The following SLC38A6 variants were observed in gnomAD, a reference collection of about 807,000 sequenced individuals.
The protein encoded by SLC38A6 is solute carrier family 38 member 6.
In SLC38A6, 73 loss-of-function variants were observed where a neutral mutation model predicts 65.0. That is an observed-to-expected ratio of 1.12 (90% CI 0.93 to 1.37). SLC38A6 has a LOEUF of 1.37. Ranked by LOEUF, SLC38A6 falls within the 40% of genes most tolerant of loss-of-function variation. SLC38A6 has a pLI of 0.00. For missense variants in SLC38A6, 561 were observed against 531.1 expected (o/e 1.06, Z -0.55); for synonymous variants, 183 against 178.8 (o/e 1.02, Z -0.19).
At position 61,019,529 on chromosome 14, in the gene SLC38A6, G is replaced by A. The variant is rs185943850; in HGVS notation, c.364-12G>A. On this transcript the variant is annotated splice_polypyrimidine_tract_variant and intron_variant, in intron 4 of 15. Coordinates refer to ENST00000267488, the MANE Select transcript of SLC38A6 (RefSeq NM_153811.3). Reference sequence around the variant, plus strand: ...CCCCTTCTATCTTCTGAATATTTCTGTTCTTTTACAGTTGGTGGTGGCAGG... The same window carrying A: ...CCCCTTCTATCTTCTGAATATTTCTATTCTTTTACAGTTGGTGGTGGCAGG... The A allele has an allele frequency of 1.6e-5, 25 of 1,612,522 alleles. No homozygotes were observed. The African/African-American group carries it at 2.8e-4, about 18-fold the overall frequency.
At chr14:61,029,266 C>G (rs2040799041) in intron 5 of SLC38A6, among the ~76,000 whole-genome samples, 1 of 151,852 alleles carries the variant, frequency 6.6e-6, no homozygotes, top group East Asian at 1.9e-4. Context: ...AGCGATTCTC[C>G]TGCCTCAGCC....
At position 61,050,592 on chromosome 14, in the gene SLC38A6, A is replaced by T; in HGVS notation, c.1006A>T (p.Ile336Leu). The change falls in exon 13 of 16, where the codon ATA becomes TTA. Residue 336 changes from isoleucine (I) to leucine (L), a missense_variant. Physicochemically the swap from Ile to Leu is conservative, Grantham distance 5. Coordinates refer to ENST00000267488, the MANE Select transcript of SLC38A6 (RefSeq NM_153811.3). The stretch of plus-strand genomic sequence containing the variant: ...TGTTGTCATGACTGTGAAGTTATGC[A>T]TACTATTTGCTGTGCTTTTGACAGT... ...DVVVMTVKLCILFAVLLTVPL... is the reference protein window; with the variant it reads ...DVVVMTVKLCLLFAVLLTVPL... The T allele has an allele frequency of 6.3e-7, 1 of 1,599,426 alleles. No homozygotes were observed. The highest frequency in any genetic ancestry group is 8.5e-7 in the Non-Finnish European group (1 of 1,170,232).
intron 15 of SLC38A6, among the ~76,000 whole-genome samples, chr14:61,065,998 T>C (rs1199555431): frequency 6.6e-6 from 1 of 152,188 alleles, no homozygotes; most frequent in Non-Finnish European, 1.5e-5. Flanking sequence ...GTTTTTCTTT[T>C]TGGCATGTTA....
intron 5 of SLC38A6, among the ~76,000 whole-genome samples, chr14:61,028,406 A>C (rs898607214): frequency 6.6e-6 from 1 of 152,100 alleles, no homozygotes; most frequent in Non-Finnish European, 1.5e-5. Flanking sequence ...AAGTAAGTCT[A>C]GGCCGGTTTC....
chr14:61,053,653 C>T (rs80296646), downstream of SLC38A6, among the ~76,000 whole-genome samples: 1,291 of 152,188 alleles, frequency 8.5e-3, 23 homozygotes, highest in African/African-American at 0.029. Context: ...ACTGAGCTTT[C>T]TTATGTGCTT....
Position 61,063,317 on chromosome 14 carries a change from G to C in SLC38A6, c.1290+11182G>C, listed in dbSNP as rs1468496211. Among the ~76,000 whole-genome samples the C allele has an allele frequency of 2.0e-5, 3 of 152,256 alleles. No individual in the cohort carries two copies. In the East Asian group the frequency reaches 5.8e-4, roughly 29 times the overall value. On this transcript the variant is annotated intron_variant, in intron 15 of 16. Coordinates refer to the SLC38A6 transcript ENST00000354886. ...CTTCTGTTCATTATGAGATAGACCT[G>C]TGATGACTGCCTGTGTACTTCAAAG... is the stretch of plus-strand genomic sequence containing the variant.
chr14:61,010,426 T>C (rs2039470717), intron 3 of SLC38A6, among the ~76,000 whole-genome samples: 1 of 152,264 alleles, frequency 6.6e-6, no homozygotes, highest in Admixed American at 6.5e-5. Flanking sequence ...CCATTGCTTT[T>C]GGTGTTTTAG....
chr14:60,982,146 A>G, intron 1 of SLC38A6: 1 of 461,238 alleles, frequency 2.2e-6, no homozygotes, highest in Non-Finnish European at 4.3e-6. Flanking sequence ...TCCCAGGTTG[A>G]CTCAGCAATT....
chr14:61,079,642 A>T (rs771728416), intron 16 of SLC38A6, among the ~76,000 whole-genome samples: 1 of 152,208 alleles, frequency 6.6e-6, no homozygotes, highest in South Asian at 2.1e-4. Context: ...ATGATAAAAT[A>T]TACAAATTCT....
intron 3 of SLC38A6, among the ~76,000 whole-genome samples, chr14:61,011,651 T>G (rs2039574738): frequency 6.6e-6 from 1 of 152,256 alleles, no homozygotes; most frequent in Admixed American, 6.5e-5. Flanking sequence ...ATGTGGTTTT[T>G]GTCTTTGGCT....
At chr14:61,081,149 T>C (rs991661308) in intron 16 of SLC38A6, among the ~76,000 whole-genome samples, 3 of 98,388 alleles carry the variant, frequency 3.0e-5, no homozygotes, top group African/African-American at 9.4e-5. Flanking sequence ...ACATGGCAAG[T>C]AGCAAATCAT....
intron 2 of SLC38A6, 134 bp from the exon 3 acceptor site, chr14:60,984,596 A>G (rs571194168): frequency 2.9e-5 from 17 of 582,224 alleles, no homozygotes; most frequent in Middle Eastern, 3.3e-4. Context: ...TAATTTCCTT[A>G]ATGAACATAA....
At position 60,981,352 on chromosome 14, in the gene SLC38A6, G is replaced by A; in HGVS notation, c.75G>A (p.Glu25=). ...YVSVQQPEEA[E]AEELSPLLSN... is the part of the protein sequence containing the mutation. ...CTGTCCAGCAGCCTGAAGAAGCGGA[G>A]GCCGAAGAGTTGAGTCCGTTGCTAA... Residue 25 remains glutamate (E), a synonymous_variant, in exon 1 of 16, where the codon GAG becomes GAA. Coordinates refer to ENST00000267488, the MANE Select transcript of SLC38A6 (RefSeq NM_153811.3). 4.3e-6 allele frequency: 7 copies of A among 1,609,268 alleles called. No homozygotes were observed. The highest frequency in any genetic ancestry group is 5.9e-6 in the Non-Finnish European group (7 of 1,177,968).
intron 3 of SLC38A6, among the ~76,000 whole-genome samples, chr14:60,990,513 A>G (rs936901703): frequency 1.3e-5 from 2 of 152,140 alleles, no homozygotes; most frequent in African/African-American, 2.4e-5. Flanking sequence ...GTTCCCATCT[A>G]AGTAAATGGT....
chr14:60,981,502 C>G lies in SLC38A6; in HGVS notation c.105+120C>G. On this transcript the variant is annotated intron_variant, in intron 1 of 15. Transcript: ENST00000267488. ...ACAGGGGAGATGCTGGAGCCTGAAC[C>G]CTGGGGGATGGGGTCTGAAGGCAGC... The G allele has an allele frequency of 3.9e-6, 6 of 1,535,500 alleles. No homozygotes were observed. In the South Asian group the frequency reaches 7.2e-5, roughly 18 times the overall value.
chr14:61,067,605 A>G (rs2043067787), intron 15 of SLC38A6, among the ~76,000 whole-genome samples: 2 of 152,188 alleles, frequency 1.3e-5, no homozygotes, highest in South Asian at 4.1e-4. Flanking sequence ...TGTGGTCAGA[A>G]AAGCTGCAGG....
intron 4 of SLC38A6, among the ~76,000 whole-genome samples, chr14:61,018,597 G>T (rs1227616025): frequency 6.6e-6 from 1 of 152,078 alleles, no homozygotes; most frequent in Non-Finnish European, 1.5e-5. Context: ...CATACGTTGG[G>T]GTTCCGATCC....
intron 3 of SLC38A6, 95 bp from the exon 4 acceptor site, chr14:61,015,809 C>T (rs2039967917): frequency 1.2e-6 from 1 of 868,732 alleles, no homozygotes; most frequent in Non-Finnish European, 1.7e-6. Context: ...AAGAATTATA[C>T]TGTATTTAGT....
downstream of SLC38A6, among the ~76,000 whole-genome samples, chr14:61,053,544 G>C (rs906589507): frequency 1.3e-5 from 2 of 152,004 alleles, no homozygotes; most frequent in Non-Finnish European, 2.9e-5. Flanking sequence ...AACCTCACCA[G>C]TATGTTATTT....
Sources: allele counts gnomAD v4.1 joint callset (sites outside exome capture counted in the v4.1 genomes callset), GRCh38; gene constraint gnomAD v4.1.1; transcripts MANE v1.5; gene names NCBI Gene and HGNC (gene_info 2026-07-23, HGNC 2026-07-21).